Variants in MLIP observed in about 807,000 individuals in gnomAD.
The protein encoded by MLIP is muscular LMNA interacting protein.
MLIP carries 79 observed loss-of-function variants against 84.8 expected under a neutral mutation model. That is an observed-to-expected ratio of 0.93 (90% CI 0.78 to 1.12). MLIP has a LOEUF of 1.12. Among genes scored for constraint, MLIP ranks in the 50% most tolerant of loss-of-function variants. The pLI is 0.00. For missense variants in MLIP, 1,257 were observed against 1,160.6 expected (o/e 1.08, Z -1.21); for synonymous variants, 504 against 463.0 (o/e 1.09, Z -1.14).
At chr6:54,019,062 T>A (rs1348672531) in exon 1 of MLIP, 1 of 1,611,404 alleles carries the variant, frequency 6.2e-7, no homozygotes, top group Non-Finnish European at 8.5e-7. Flanking sequence ...AAGAAGCTTA[T>A]TAAACAAGAA....
rs997878272 is a variant in MLIP at position 54,198,024 on chromosome 6, C to T, written c.2590-4081C>T. ...ATAGTCTGTTTTAAAGCCTCTCCTT[C>T]AGTCTGGAGACAGAAGACAAGGCCA... On this transcript the variant is annotated intron_variant, in intron 10 of 13. Coordinates refer to ENST00000502396, the MANE Select transcript of MLIP (RefSeq NM_001281747.2). Among the ~76,000 whole-genome samples, 22 of 152,108 alleles carry T rather than the reference C, an allele frequency of 1.4e-4. 1 individual carries two copies. Among genetic ancestry groups the T allele is most frequent in the Non-Finnish European group, 1.5e-5 (1 of 68,014 alleles).
chr6:54,226,496 C>T (rs1240666448), intron 11 of MLIP, among the ~76,000 whole-genome samples: 3 of 152,094 alleles, frequency 2.0e-5, no homozygotes, highest in Admixed American at 2.0e-4. Context: ...GATCCATGTG[C>T]TCAGAGTTTC....
At chr6:54,115,874 G>A (rs1432373761) in intron 1 of MLIP, among the ~76,000 whole-genome samples, 1 of 152,156 alleles carries the variant, frequency 6.6e-6, no homozygotes, top group African/African-American at 2.4e-5. Flanking sequence ...ATTTATCATT[G>A]AAATAGAGTC....
intron 9 of MLIP, among the ~76,000 whole-genome samples, chr6:54,185,893 T>C (rs1204013560): frequency 2.0e-5 from 3 of 152,174 alleles, no homozygotes; most frequent in African/African-American, 4.8e-5. Flanking sequence ...AACACCATGA[T>C]GGATATTCTG....
At position 54,196,304 on chromosome 6, in the gene MLIP, G is replaced by A. The variant is rs146461482; in HGVS notation, c.2590-5801G>A. Among the ~76,000 whole-genome samples the A allele has an allele frequency of 6.0e-3, 910 of 152,164 alleles. 11 individuals carry two copies. The highest frequency in any genetic ancestry group is 0.021 in the African/African-American group (874 of 41,534). ...TATCAAACCATCACTTCTGTATTAA[G>A]CCCAGCATGAATTAGCATATTTTCC... On this transcript the variant is annotated intron_variant, in intron 10 of 13. Coordinates refer to ENST00000502396, the MANE Select transcript of MLIP (RefSeq NM_001281747.2).
chr6:54,027,406 CACACACACACACACATAT>C (rs1561874863), intron 1 of MLIP, among the ~76,000 whole-genome samples: 1 of 124,536 alleles, frequency 8.0e-6, no homozygotes, highest in African/African-American at 3.0e-5. Context: ...CACACACACA[CACACACACACACACATAT>C]ATACATAAAA....
chr6:54,048,779 G>C (rs1172688670), intron 1 of MLIP, among the ~76,000 whole-genome samples: 2 of 152,282 alleles, frequency 1.3e-5, no homozygotes, highest in East Asian at 1.9e-4. Context: ...ACTGGTGACA[G>C]GTTTTAGTGA....
intron 1 of MLIP, among the ~76,000 whole-genome samples, chr6:54,081,821 TTCTTTA>T (rs1344613929): frequency 3.3e-5 from 5 of 152,190 alleles, no homozygotes; most frequent in African/African-American, 9.7e-5. Context: ...ACTTTCATTG[TTCTTTA>T]TCTTTAAGTA....
chr6:54,143,395 G>C (rs1178850487), intron 4 of MLIP, among the ~76,000 whole-genome samples: 1 of 152,038 alleles, frequency 6.6e-6, no homozygotes, highest in South Asian at 2.1e-4. Context: ...TAGTAGAGAC[G>C]GGGTTTCACC....
intron 11 of MLIP, among the ~76,000 whole-genome samples, chr6:54,220,488 A>G (rs1780145063): frequency 6.6e-6 from 1 of 152,198 alleles, no homozygotes; most frequent in Admixed American, 6.5e-5. Context: ...GCAGAATAAT[A>G]ACAATAGAAT....
chr6:54,092,647 G>T (rs1272354900), intron 1 of MLIP, among the ~76,000 whole-genome samples: 1 of 151,552 alleles, frequency 6.6e-6, no homozygotes, highest in Non-Finnish European at 1.5e-5. Context: ...TTATTATAAT[G>T]ATATAAATAG....
Position 54,137,745 on chromosome 6 carries a change from T to C in MLIP, c.1676T>C (p.Leu559Pro), listed in dbSNP as rs1282101042. 6.5e-6 allele frequency: 10 copies of C among 1,535,950 alleles called. No homozygotes were observed. In the South Asian group the frequency reaches 1.1e-4, roughly 16 times the overall value. The stretch of plus-strand genomic sequence containing the variant: ...CCTCCTGTTCCACCAAGCTCTTCTC[T>C]TTCCTCTTTGAAGAGTAAACAGGAT... ...GLPPVPPSSS[L>P]SSLKSKQDGD... Residue 559 changes from leucine to proline, a missense_variant, in exon 4 of 14, where the codon CTT becomes CCT. Transcript: ENST00000502396.
rs1422309596 is a variant in MLIP at position 54,263,806 on chromosome 6, T to C, written c.2977-2144T>C. ...TAAGTTCTTTCTTGCTTGTATTTTCTTATATCCAAAATAAGTGTGTTGTTT... is the reference window on the plus strand; with the variant it reads ...TAAGTTCTTTCTTGCTTGTATTTTCCTATATCCAAAATAAGTGTGTTGTTT... On this transcript the variant is annotated intron_variant, in intron 13 of 13. Coordinates refer to ENST00000502396, the MANE Select transcript of MLIP (RefSeq NM_001281747.2). Among the ~76,000 whole-genome samples, 5 of 152,252 alleles carry C rather than the reference T, an allele frequency of 3.3e-5. No individual in the cohort carries two copies. The East Asian group carries it at 9.7e-4, about 29-fold the overall frequency.
intron 11 of MLIP, among the ~76,000 whole-genome samples, chr6:54,220,922 TAC>T (rs143689632): frequency 3.3e-4 from 49 of 150,480 alleles, no homozygotes; most frequent in East Asian, 2.3e-3. Context: ...AAAGGAGATA[TAC>T]ACACACACAC....
chr6:54,075,542 T>C (rs770815788), intron 1 of MLIP, among the ~76,000 whole-genome samples: 4 of 152,212 alleles, frequency 2.6e-5, no homozygotes, highest in Non-Finnish European at 4.4e-5. Flanking sequence ...GCCTAGCACA[T>C]GGCATTTACT....
At chr6:54,183,172 T>A (rs1390833711) in intron 9 of MLIP, among the ~76,000 whole-genome samples, 3 of 152,208 alleles carry the variant, frequency 2.0e-5, no homozygotes, top group Non-Finnish European at 2.9e-5. Context: ...GAAACGTTGC[T>A]ATGCTGGAGT....
At chr6:54,228,365 C>T (rs1409313721) in intron 11 of MLIP, among the ~76,000 whole-genome samples, 1 of 152,078 alleles carries the variant, frequency 6.6e-6, no homozygotes, top group African/African-American at 2.4e-5. Flanking sequence ...AAGCTGTAAC[C>T]ACTAAGAATC....
intron 1 of MLIP, chr6:54,047,481 A>T (rs1765130454): frequency 6.6e-6 from 1 of 152,220 alleles, no homozygotes; most frequent in Non-Finnish European, 1.5e-5. Context: ...TAATAAAGAG[A>T]ATAAGTACCG....
chr6:54,088,603 T>G (rs1333306131), intron 1 of MLIP, among the ~76,000 whole-genome samples: 1 of 152,194 alleles, frequency 6.6e-6, no homozygotes, highest in Non-Finnish European at 1.5e-5. Flanking sequence ...GACCGTTGTT[T>G]ATCAGTTTCT....
Sources: allele counts gnomAD v4.1 joint callset (sites outside exome capture counted in the v4.1 genomes callset), GRCh38; gene constraint gnomAD v4.1.1; transcripts MANE v1.5; gene names NCBI Gene and HGNC (gene_info 2026-07-23, HGNC 2026-07-21).